PCDHA6: variants seen among roughly 807,000 people sequenced by gnomAD.
PCDHA6 encodes protocadherin alpha 6, also known as protocadherin alpha-6.
Under a neutral mutation model 60.3 loss-of-function variants are expected in PCDHA6, and 55 were observed. That is an observed-to-expected ratio of 0.91 (90% CI 0.73 to 1.14). The LOEUF (loss-of-function observed/expected upper bound fraction) is 1.14. Ranked by LOEUF, PCDHA6 falls within the 50% of genes most tolerant of loss-of-function variation. The pLI is 0.00. For missense variants in PCDHA6, 1,327 were observed against 1,256.5 expected, an observed-to-expected ratio of 1.06 and a Z score of -0.85; for synonymous variants, 652 against 557.9, an observed-to-expected ratio of 1.17 and a Z score of -2.38.
At chr5:140,918,237 T>C (rs2078587640) in intron 1 of PCDHA6, among the ~76,000 whole-genome samples, 2 of 152,240 alleles carry the variant, frequency 1.3e-5, no homozygotes, top group Admixed American at 1.3e-4. Context: ...TGTACATTGA[T>C]TTTGTATGCT....
Position 140,849,199 on chromosome 5 carries a change from A to G in PCDHA6, c.2394+18714A>G, listed in dbSNP as rs1581177103. 1 of 1,039,422 alleles carries G rather than the reference A, an allele frequency of 9.6e-7. No homozygotes were observed. The allele number at this position is 1,039,422 out of a possible 1,614,324, so 64.4% of individuals were successfully genotyped here. On this transcript the variant is annotated intron_variant, in intron 1 of 3. Transcript: ENST00000529310. Reference sequence around the variant, plus strand: ...CAATTACTCATCACGGTACTGGACAACAATGACAATGCCCCAGTGTTCGAC... The same window carrying G: ...CAATTACTCATCACGGTACTGGACAGCAATGACAATGCCCCAGTGTTCGAC...
chr5:140,856,170 G>T, intron 1 of PCDHA6: 1 of 1,598,322 alleles, frequency 6.3e-7, no homozygotes, highest in Non-Finnish European at 8.6e-7. Context: ...GCCAGACACG[G>T]CACCTTCGTG....
chr5:140,869,392 G>C (rs372231398), intron 1 of PCDHA6: 24 of 1,614,164 alleles, frequency 1.5e-5, no homozygotes, highest in African/African-American at 1.5e-4. Flanking sequence ...GGAGCTGTGC[G>C]GGCAGAGCGC....
rs2150292750 is a variant in PCDHA6, at chr5:140,838,829, G to C, written c.2394+8344G>C. ...TTCAGCTACTCAAGAAACTGAGGTG[G>C]GAGGATCACTTAAGCCAGGGAGGTC... On this transcript the variant is annotated intron_variant, in intron 1 of 3. Coordinates refer to ENST00000529310, the MANE Select transcript of PCDHA6 (RefSeq NM_018909.4). Among the ~76,000 whole-genome samples, 185 of 151,952 alleles carry C rather than the reference G, an allele frequency of 1.2e-3. 4 individuals carry two copies. Among genetic ancestry groups the C allele is most frequent in the African/African-American group, 4.4e-3 (182 of 41,404 alleles).
At chr5:140,971,642 A>T (rs1586490477) in intron 1 of PCDHA6, among the ~76,000 whole-genome samples, 1 of 152,330 alleles carries the variant, frequency 6.6e-6, no homozygotes. Context: ...ATGTGCCTAC[A>T]TTAAAAGTAG....
At chr5:140,997,668 T>TTA (rs2097778675) in intron 3 of PCDHA6, among the ~76,000 whole-genome samples, 1 of 148,244 alleles carries the variant, frequency 6.7e-6, no homozygotes, top group African/African-American at 2.5e-5. Flanking sequence ...ATTATACAGC[T>TTA]TGTGTGTGTG....
chr5:140,850,186 C>T lies in PCDHA6; in HGVS notation c.2394+19701C>T, dbSNP rs2150472009. On this transcript the variant is annotated intron_variant, in intron 1 of 3. Transcript: ENST00000529310. ...CTGGACGAGAACGACAATGCGCCGG[C>T]GCTGCTGACACCTCGGATGAGGGGC... 4.4e-6 allele frequency: 7 copies of T among 1,593,614 alleles called. No homozygotes were observed. In the African/African-American group the frequency reaches 5.4e-5, roughly 12 times the overall value.
intron 1 of PCDHA6, chr5:140,848,769 C>T: frequency 1.3e-6 from 2 of 1,593,410 alleles, no homozygotes; most frequent in Non-Finnish European, 1.7e-6. Flanking sequence ...TCGGATCGAC[C>T]GCGAGGAGCT....
chr5:140,871,673 C>T (rs980419228), intron 1 of PCDHA6: 1 of 1,142,814 alleles, frequency 8.8e-7, no homozygotes, highest in East Asian at 2.6e-5. Flanking sequence ...GTCTTTTAAT[C>T]ATATGAATAA....
intron 1 of PCDHA6, chr5:140,843,324 C>A: frequency 6.3e-7 from 1 of 1,596,010 alleles, no homozygotes; most frequent in Middle Eastern, 1.7e-4. Flanking sequence ...GTTCTGGTGT[C>A]GCTGGTGGAG....
Position 140,911,260 on chromosome 5 carries a change from A to G in PCDHA6, c.2395-67689A>G, listed in dbSNP as rs1178961396. On this transcript the variant is annotated intron_variant, in intron 1 of 3. Transcript: ENST00000529310. ...AAAAAAAGTTTCATCAGAATTTATA[A>G]TCTCAGTGTCCCCAGCTTCATCAGG... is the stretch of plus-strand genomic sequence containing the variant. Among the ~76,000 whole-genome samples, 8 of 152,222 alleles carry G rather than the reference A, an allele frequency of 5.3e-5. 1 individual carries two copies. The highest frequency in any genetic ancestry group is 1.9e-4 in the African/African-American group (8 of 41,520).
chr5:140,877,377 C>T (rs575601254), intron 1 of PCDHA6: 2 of 1,614,008 alleles, frequency 1.2e-6, no homozygotes, highest in Non-Finnish European at 1.7e-6. Context: ...GCACGACACG[C>T]ATCCTGGATG....
intron 1 of PCDHA6, among the ~76,000 whole-genome samples, chr5:140,910,150 T>G (rs555048323): frequency 6.6e-6 from 1 of 152,354 alleles, no homozygotes; most frequent in South Asian, 2.1e-4. Flanking sequence ...GGAAATTGAT[T>G]GAGGGGAAAT....
Position 140,958,548 on chromosome 5 carries a change from A to G in PCDHA6, c.2395-20401A>G, listed in dbSNP as rs185504563. The stretch of plus-strand genomic sequence containing the variant: ...TATGTGTACATTGATTTATGAACCA[A>G]TAAATGTTTCATACACAGTTGAGAT... On this transcript the variant is annotated intron_variant, in intron 1 of 3. Transcript: ENST00000529310. Among the ~76,000 whole-genome samples the G allele has an allele frequency of 5.4e-3, 828 of 152,296 alleles. 8 individuals are homozygous for G. Among genetic ancestry groups the G allele is most frequent in the South Asian group, 1.0e-2 (48 of 4,822 alleles).
intron 1 of PCDHA6, among the ~76,000 whole-genome samples, chr5:140,909,018 A>AT: frequency 6.6e-6 from 1 of 152,230 alleles, no homozygotes; most frequent in East Asian, 1.9e-4. Context: ...AGGTTCCTGA[A>AT]TTTTAGTCAT....
chr5:140,926,976 GGA>G (rs1184794302), intron 1 of PCDHA6: 3 of 1,610,286 alleles, frequency 1.9e-6, no homozygotes, highest in Non-Finnish European at 2.5e-6. Context: ...CAGTGCCGGA[GGA>G]GACGGAGCGG....
At chr5:140,870,778 G>GACA (rs2052395482) in intron 1 of PCDHA6, 1 of 1,613,502 alleles carries the variant, frequency 6.2e-7, no homozygotes, top group Non-Finnish European at 8.5e-7. Flanking sequence ...GGACGAGAAC[G>GACA]ACAACGCGCC....
chr5:140,916,743 G>C (rs1355752854), intron 1 of PCDHA6, among the ~76,000 whole-genome samples: 1 of 152,156 alleles, frequency 6.6e-6, no homozygotes, highest in African/African-American at 2.4e-5. Context: ...AAGCTTCACT[G>C]CCTGGGATTA....
intron 1 of PCDHA6, among the ~76,000 whole-genome samples, chr5:140,889,132 G>C (rs1338926841): frequency 6.6e-6 from 1 of 151,438 alleles, no homozygotes; most frequent in Non-Finnish European, 1.5e-5. Context: ...ATATGTCCTA[G>C]TTTTTCTTCC....
Sources: allele counts gnomAD v4.1 joint callset (sites outside exome capture counted in the v4.1 genomes callset), GRCh38; gene constraint gnomAD v4.1.1; transcripts MANE v1.5; gene names NCBI Gene and HGNC (gene_info 2026-07-23, HGNC 2026-07-21).